CPVL: variants seen among roughly 807,000 people sequenced by gnomAD.
The protein encoded by CPVL is carboxypeptidase vitellogenic like, also known as probable serine carboxypeptidase CPVL.
In CPVL, 51 loss-of-function variants were observed where a neutral mutation model predicts 63.7. That is an observed-to-expected ratio of 0.80 (90% CI 0.64 to 1.01). CPVL has a LOEUF of 1.01. CPVL is among the 50% of genes least tolerant of loss of function. The pLI, the probability that CPVL is intolerant of heterozygous loss-of-function variation, is 0.00. For synonymous variants in CPVL, 195 were observed against 206.0 expected (o/e 0.95, Z 0.46); for missense variants, 530 against 573.1 (o/e 0.92, Z 0.77).
rs557133039 is a variant in CPVL, at chr7:29,052,317, G to GA, written c.1137+11743dup. Among the ~76,000 whole-genome samples, 1,107 of 141,304 alleles carry GA rather than the reference G, an allele frequency of 7.8e-3. 7 individuals carry two copies. The highest frequency in any genetic ancestry group is 0.013 in the Non-Finnish European group (860 of 64,974). The allele number at this position is 141,304 out of a possible 152,430, so 92.7% of individuals were successfully genotyped here. A position where few individuals can be genotyped will look rare whatever the true frequency, so the allele number is the denominator to read the frequency against. ...AAAAAATTTTTATAAAATAGAGACA[G>GA]AAAAAAAAAAGTAGATTCACACACC... On this transcript the variant is annotated intron_variant, in intron 11 of 12. Transcript: ENST00000265394.
At chr7:29,113,618 G>C (rs2128632145) in intron 2 of CPVL, 1 of 152,394 alleles carries the variant, frequency 6.6e-6, no homozygotes, top group Middle Eastern at 3.4e-3. Context: ...GATGTGGGAA[G>C]TATAATTCTC....
At chr7:29,141,156 T>G (rs1461459377) in intron 1 of CPVL, among the ~76,000 whole-genome samples, 1 of 152,214 alleles carries the variant, frequency 6.6e-6, no homozygotes, top group Non-Finnish European at 1.5e-5. Context: ...GGGGCCACAG[T>G]AAGGAGCCTA....
intron 12 of CPVL, among the ~76,000 whole-genome samples, chr7:29,024,927 G>C (rs538285233): frequency 6.6e-6 from 1 of 152,174 alleles, no homozygotes; most frequent in African/African-American, 2.4e-5. Flanking sequence ...TCATAAATGA[G>C]AAAGAGAAAA....
At chr7:29,112,493 C>T (rs1352790964) in intron 3 of CPVL, among the ~76,000 whole-genome samples, 2 of 152,144 alleles carry the variant, frequency 1.3e-5, no homozygotes, top group African/African-American at 2.4e-5. Flanking sequence ...AGAAGTTGGA[C>T]ACTTCCCACT....
At chr7:29,112,908 T>TG in intron 2 of CPVL, 86 bp from the exon 3 acceptor site, 1 of 921,944 alleles carries the variant, frequency 1.1e-6, no homozygotes. Context: ...CTGGATGAAA[T>TG]GGAGTGATTA....
chr7:29,119,911 G>A (rs886098790), intron 2 of CPVL, among the ~76,000 whole-genome samples: 1 of 152,156 alleles, frequency 6.6e-6, no homozygotes, highest in South Asian at 2.1e-4. Flanking sequence ...TCCCCGGGAT[G>A]TTGAGATGTT....
At chr7:29,146,604 A>G (rs1414881959), upstream of CPVL, 3 of 1,550,314 alleles carry the variant, frequency 1.9e-6, no homozygotes, top group Non-Finnish European at 2.6e-6. Flanking sequence ...CCCACAGGGC[A>G]AAAAGTGCGT....
chr7:29,046,796 GGA>G (rs887262405), intron 11 of CPVL, among the ~76,000 whole-genome samples: 3 of 152,098 alleles, frequency 2.0e-5, no homozygotes, highest in African/African-American at 7.2e-5. Context: ...CAAAGCTCCT[GGA>G]GACTGTGGGT....
chr7:29,037,391 CAA>C (rs781394806), intron 11 of CPVL, among the ~76,000 whole-genome samples: 3 of 141,326 alleles, frequency 2.1e-5, no homozygotes, highest in Non-Finnish European at 4.6e-5. Context: ...AAAATAAATA[CAA>C]AAAAAAAAAA....
intron 1 of CPVL, among the ~76,000 whole-genome samples, chr7:29,187,471 C>T (rs990475899): frequency 9.9e-5 from 15 of 152,092 alleles, no homozygotes; most frequent in Admixed American, 9.2e-4. Flanking sequence ...CGCCTGTAAT[C>T]CCAGCACTTT....
At chr7:29,158,352 G>C (rs930874664) in intron 5 of CPVL, among the ~76,000 whole-genome samples, 2 of 152,160 alleles carry the variant, frequency 1.3e-5, no homozygotes, top group African/African-American at 4.8e-5. Context: ...TTGCTGTAGA[G>C]CAGATTAAAT....
intron 7 of CPVL, among the ~76,000 whole-genome samples, chr7:29,081,745 A>G (rs1784739446): frequency 6.6e-6 from 1 of 152,242 alleles, no homozygotes; most frequent in African/African-American, 2.4e-5. Flanking sequence ...ATATTAGCCC[A>G]GCTTTTCAGC....
At chr7:29,007,119 T>C (rs1785272004) in intron 12 of CPVL, among the ~76,000 whole-genome samples, 1 of 152,228 alleles carries the variant, frequency 6.6e-6, no homozygotes, top group Admixed American at 6.5e-5. Context: ...TGGCTCTCTG[T>C]TAAATTTCAA....
At chr7:29,095,636 A>G (rs1178970063) in intron 4 of CPVL, among the ~76,000 whole-genome samples, 1 of 151,794 alleles carries the variant, frequency 6.6e-6, no homozygotes. Context: ...AAACTTAGTG[A>G]CAGCCAGATG....
At chr7:29,018,086 C>T (rs1441080066) in intron 12 of CPVL, among the ~76,000 whole-genome samples, 1 of 152,126 alleles carries the variant, frequency 6.6e-6, no homozygotes, top group Non-Finnish European at 1.5e-5. Flanking sequence ...AGTAAGGGCT[C>T]AAATTGCAAT....
rs760718602 is a variant in CPVL, at chr7:29,030,599, C to T, written c.1298G>A (p.Arg433Gln). The T allele has an allele frequency of 4.3e-6, 7 of 1,612,686 alleles. No homozygotes were observed. The highest frequency in any genetic ancestry group is 1.3e-5 in the African/African-American group (1 of 75,010). ...KSDSEVAGYI[R>Q]QAGDFHQVII... The stretch of plus-strand genomic sequence containing the variant: ...TACCTGATGGAAGTCACCCGCTTGC[C>T]GGATGTAACCAGCCACTTCACTGTC... Residue 433 changes from arginine (R) to glutamine (Q), a missense_variant, in exon 12 of 13, where the codon CGG becomes CAG. Arg to Gln is a conservative substitution (Grantham distance 43). Transcript: ENST00000265394.
intron 7 of CPVL, chr7:29,080,147 T>C (rs1389318983): frequency 2.0e-5 from 3 of 152,168 alleles, no homozygotes; most frequent in Non-Finnish European, 2.9e-5. Flanking sequence ...AAGATCACTA[T>C]TGGGTACTGA....
chr7:29,046,133 G>GGAGT (rs1789586134), intron 11 of CPVL, among the ~76,000 whole-genome samples: 1 of 137,936 alleles, frequency 7.2e-6, no homozygotes, highest in East Asian at 2.1e-4. Context: ...CACCCAAGTT[G>GGAGT]GAGTGCAGTG....
chr7:29,173,597 T>A (rs1796889625), intron 5 of CPVL, among the ~76,000 whole-genome samples: 1 of 151,988 alleles, frequency 6.6e-6, no homozygotes, highest in East Asian at 1.9e-4. Flanking sequence ...AGGCAGGATA[T>A]GAAATTGTTG....
Sources: allele counts gnomAD v4.1 joint callset (sites outside exome capture counted in the v4.1 genomes callset), GRCh38; gene constraint gnomAD v4.1.1; transcripts MANE v1.5; gene names NCBI Gene and HGNC (gene_info 2026-07-23, HGNC 2026-07-21).